Variants in FHIT observed in about 807,000 individuals in gnomAD.
FHIT encodes the protein fragile histidine triad diadenosine triphosphatase.
In FHIT, 19 loss-of-function variants were observed where a neutral mutation model predicts 17.9. The ratio of observed to expected loss-of-function variants is 1.06; its 90% CI spans 0.74 to 1.56. FHIT has a LOEUF of 1.56. Among genes scored for constraint, FHIT ranks in the 40% most tolerant of loss-of-function variants. The pLI, the probability that FHIT is intolerant of heterozygous loss-of-function variation, is 0.00. For missense variants in FHIT, 248 were observed against 189.2 expected, an observed-to-expected ratio of 1.31 and a Z score of -1.82; for synonymous variants, 81 against 69.7, an observed-to-expected ratio of 1.16 and a Z score of -0.81.
intron 4 of FHIT, among the ~76,000 whole-genome samples, chr3:60,638,652 T>C (rs2039649916): frequency 6.6e-6 from 1 of 152,108 alleles, no homozygotes; most frequent in South Asian, 2.1e-4. Flanking sequence ...AATCTTTTCA[T>C]TTTATGGCTC....
Position 60,114,155 on chromosome 3 carries a change from A to T in FHIT, c.104-100003T>A, listed in dbSNP as rs537628337. Among the ~76,000 whole-genome samples, 45 of 148,680 alleles carry T rather than the reference A, an allele frequency of 3.0e-4. 1 individual carries two copies. The South Asian group carries it at 9.4e-3, about 31-fold the overall frequency. ...ATAAAACAAGCACAACCTTTTATGTAAATTACTTACTTAATCCTCATAATC... is the reference window on the plus strand; with the variant it reads ...ATAAAACAAGCACAACCTTTTATGTTAATTACTTACTTAATCCTCATAATC... On this transcript the variant is annotated intron_variant, in intron 5 of 9. Transcript: ENST00000492590.
chr3:60,881,594 C>A (rs1239360136), intron 3 of FHIT, among the ~76,000 whole-genome samples: 9 of 152,032 alleles, frequency 5.9e-5, no homozygotes, highest in African/African-American at 1.9e-4. Flanking sequence ...TTTCTGAACA[C>A]AATGGAATAA....
intron 4 of FHIT, among the ~76,000 whole-genome samples, chr3:60,567,643 AG>A (rs2037188295): frequency 6.6e-6 from 1 of 152,224 alleles, no homozygotes; most frequent in Admixed American, 6.5e-5. Flanking sequence ...GCACAGCAAA[AG>A]AAACTACCAT....
chr3:59,890,681 C>A (rs991269585), intron 8 of FHIT, among the ~76,000 whole-genome samples: 1 of 152,032 alleles, frequency 6.6e-6, no homozygotes, highest in Admixed American at 6.6e-5. Flanking sequence ...AACACTATTA[C>A]CAAAAAGCTG....
At chr3:60,998,361 T>A (rs1222049401) in intron 3 of FHIT, among the ~76,000 whole-genome samples, 3 of 152,228 alleles carry the variant, frequency 2.0e-5, no homozygotes, top group Admixed American at 6.5e-5. Context: ...TAATAGGTAC[T>A]CATTTGGACT....
At chr3:60,096,775 G>C (rs576928722) in intron 5 of FHIT, among the ~76,000 whole-genome samples, 2 of 152,136 alleles carry the variant, frequency 1.3e-5, no homozygotes, top group Non-Finnish European at 2.9e-5. Flanking sequence ...ACAGAGCAGA[G>C]AGTGTCATGG....
At chr3:60,744,271 A>AAAAAAAAAAAAC (rs2042309232) in intron 4 of FHIT, among the ~76,000 whole-genome samples, 9 of 52,138 alleles carry the variant, frequency 1.7e-4, no homozygotes, top group Non-Finnish European at 2.7e-4. Context: ...AACAAAACAA[A>AAAAAAAAAAAAC]AAAAAAAAAA....
At chr3:60,057,569 A>C (rs1297927822) in intron 5 of FHIT, among the ~76,000 whole-genome samples, 6 of 152,150 alleles carry the variant, frequency 3.9e-5, no homozygotes, top group Non-Finnish European at 5.9e-5. Context: ...TCTGAAACCA[A>C]CCCAATAATC....
chr3:59,990,543 A>T (rs993051774), intron 7 of FHIT, among the ~76,000 whole-genome samples: 3 of 152,054 alleles, frequency 2.0e-5, no homozygotes, highest in Non-Finnish European at 4.4e-5. Context: ...CAAACTGCTT[A>T]CTCCTTAACT....
At chr3:60,554,298 G>A (rs1429077208) in intron 4 of FHIT, among the ~76,000 whole-genome samples, 1 of 151,280 alleles carries the variant, frequency 6.6e-6, no homozygotes, top group African/African-American at 2.4e-5. Flanking sequence ...CATGTGGACT[G>A]TAATAGCAGA....
At chr3:60,314,130 T>C (rs1709065838) in intron 5 of FHIT, among the ~76,000 whole-genome samples, 1 of 152,114 alleles carries the variant, frequency 6.6e-6, no homozygotes, top group Non-Finnish European at 1.5e-5. Context: ...CCCTTCAATC[T>C]CATATAAAGT....
At chr3:60,210,477 C>G (rs191771392) in intron 5 of FHIT, among the ~76,000 whole-genome samples, 1 of 151,834 alleles carries the variant, frequency 6.6e-6, no homozygotes, top group South Asian at 2.1e-4. Flanking sequence ...ATTCCAGAAA[C>G]AAATTGGGAG....
intron 3 of FHIT, among the ~76,000 whole-genome samples, chr3:60,851,310 A>C (rs563402172): frequency 3.9e-5 from 6 of 152,220 alleles, no homozygotes; most frequent in African/African-American, 1.4e-4. Context: ...ATTAGAACAG[A>C]TCCTTCTTTG....
At chr3:61,107,858 C>G (rs1248970370) in intron 2 of FHIT, among the ~76,000 whole-genome samples, 1 of 152,184 alleles carries the variant, frequency 6.6e-6, no homozygotes, top group East Asian at 1.9e-4. Flanking sequence ...TTGGTTGCAG[C>G]TGGGCGCTTG....
chr3:60,553,005 T>C (rs1282256606), intron 4 of FHIT, among the ~76,000 whole-genome samples: 1 of 152,158 alleles, frequency 6.6e-6, no homozygotes, highest in Non-Finnish European at 1.5e-5. Flanking sequence ...GAGTGAGTCC[T>C]GAGAGGGAAT....
chr3:60,433,383 A>AAG (rs2107303449), intron 5 of FHIT, among the ~76,000 whole-genome samples: 1 of 152,268 alleles, frequency 6.6e-6, no homozygotes, highest in East Asian at 1.9e-4. Flanking sequence ...AATGAACATG[A>AAG]GAGTGCTAAT....
chr3:61,110,793 G>A (rs552496035), intron 2 of FHIT, among the ~76,000 whole-genome samples: 7 of 152,216 alleles, frequency 4.6e-5, no homozygotes, highest in African/African-American at 1.7e-4. Flanking sequence ...GGTGACAAAG[G>A]TCTAAACACA....
Position 61,051,539 on chromosome 3 carries a change from A to G in FHIT, c.-163-9440T>C, listed in dbSNP as rs553105921. Among the ~76,000 whole-genome samples, 3 of 151,624 alleles carry G rather than the reference A, an allele frequency of 2.0e-5. No homozygotes were observed. The South Asian group carries it at 6.3e-4, about 32-fold the overall frequency. The stretch of plus-strand genomic sequence containing the variant: ...TCTGGGATTACAGGCCTGAGACACC[A>G]CCCCTGGCTTCTTGGGTTATTTTGA... On this transcript the variant is annotated intron_variant, in intron 2 of 9. Coordinates refer to ENST00000492590, the MANE Select transcript of FHIT (RefSeq NM_002012.4).
At chr3:60,626,921 C>T (rs2039304939) in intron 4 of FHIT, among the ~76,000 whole-genome samples, 2 of 150,616 alleles carry the variant, frequency 1.3e-5, no homozygotes, top group South Asian at 4.2e-4. Context: ...AAATGTTTTT[C>T]AAATATTTTT....
Sources: allele counts gnomAD v4.1 joint callset (sites outside exome capture counted in the v4.1 genomes callset), GRCh38; gene constraint gnomAD v4.1.1; transcripts MANE v1.5; gene names NCBI Gene and HGNC (gene_info 2026-07-23, HGNC 2026-07-21).